The following LRP1B variants were observed in gnomAD, a reference collection of about 807,000 sequenced individuals.
LRP1B encodes LDL receptor related protein 1B, also known as low-density lipoprotein receptor-related protein 1B.
A neutral mutation model predicts 556.6 loss-of-function variants in LRP1B; 217 were observed. The observed-to-expected ratio is 0.39, with a 90% confidence interval of 0.35 to 0.44. The LOEUF (loss-of-function observed/expected upper bound fraction) is 0.44. LRP1B is among the 20% of genes least tolerant of loss of function. The pLI is 1.00. For missense variants in LRP1B, 5,053 were observed against 5,620.8 expected, an observed-to-expected ratio of 0.90 and a Z score of 3.23; for synonymous variants, 2,047 against 1,865.8, an observed-to-expected ratio of 1.10 and a Z score of -2.50.
Position 140,851,750 on chromosome 2 carries a change from C to A in LRP1B, c.4613G>T (p.Gly1538Val), listed in dbSNP as rs2105121973. The change falls in exon 28 of 91, where the codon GGC (glycine) becomes GTC (valine). Residue 1538 changes from glycine to valine, a missense_variant. Physicochemically the swap from Gly to Val is moderately radical, Grantham distance 109. Around this residue, in one of 5 missense-constraint regions of LRP1B, gnomAD observed 3,619 missense variants for 3,931.9 expected, o/e 0.92. Coordinates refer to ENST00000389484, the MANE Select transcript of LRP1B (RefSeq NM_018557.3). ...GATTAGACACATGTGAGAGCAGGGGCCTTTGCCATCATTAGCTGCACAAGG... is the reference window on the plus strand; with the variant it reads ...GATTAGACACATGTGAGAGCAGGGGACTTTGCCATCATTAGCTGCACAAGG... ...PNPCAANDGKGPCSHMCLINH... is the reference protein window; with the variant it reads ...PNPCAANDGKVPCSHMCLINH... 6.2e-7 allele frequency: 1 copy of A among 1,606,154 alleles called. No homozygotes were observed. The highest frequency in any genetic ancestry group is 8.5e-7 in the Non-Finnish European group (1 of 1,177,526).
chr2:140,609,877 C>G (rs1480515425), intron 41 of LRP1B, among the ~76,000 whole-genome samples: 2 of 152,114 alleles, frequency 1.3e-5, no homozygotes, highest in Non-Finnish European at 2.9e-5. Flanking sequence ...TGTATCATAT[C>G]TTTGTCCTGC....
chr2:140,324,170 A>C (rs564799998), intron 80 of LRP1B, 104 bp from the exon 81 acceptor site: 1 of 621,748 alleles, frequency 1.6e-6, no homozygotes, highest in African/African-American at 1.8e-5. Context: ...ACTGTTTAAA[A>C]ATAAACTTTC....
intron 1 of LRP1B, among the ~76,000 whole-genome samples, chr2:141,975,864 G>A (rs1257366126): frequency 6.6e-6 from 1 of 151,972 alleles, no homozygotes; most frequent in Admixed American, 6.6e-5. Flanking sequence ...TGTTTTTGAA[G>A]GATTTTTATT....
intron 86 of LRP1B, among the ~76,000 whole-genome samples, chr2:140,260,007 C>T (rs1681862352): frequency 6.6e-6 from 1 of 151,862 alleles, no homozygotes; most frequent in African/African-American, 2.4e-5. Context: ...AACAGATGCC[C>T]ATATAAATCT....
intron 57 of LRP1B, among the ~76,000 whole-genome samples, chr2:140,492,324 A>G (rs1242335763): frequency 1.3e-5 from 2 of 152,186 alleles, no homozygotes; most frequent in Non-Finnish European, 2.9e-5. Context: ...GTCTTCGTTT[A>G]TACTTAAAAC....
chr2:141,441,220 G>A (rs933710896), intron 3 of LRP1B, among the ~76,000 whole-genome samples: 13 of 152,076 alleles, frequency 8.5e-5, no homozygotes, highest in Admixed American at 2.6e-4. Flanking sequence ...GGGATTACAG[G>A]TGCCTGCCAC....
chr2:140,277,686 A>T (rs116234052), intron 84 of LRP1B, among the ~76,000 whole-genome samples: 3,473 of 152,082 alleles, frequency 0.023, 44 homozygotes, highest in Non-Finnish European at 0.023. Context: ...AATCAAGGAG[A>T]TGAAAATTAA....
At chr2:141,800,473 C>T (rs1489696468) in intron 2 of LRP1B, among the ~76,000 whole-genome samples, 1 of 152,196 alleles carries the variant, frequency 6.6e-6, no homozygotes, top group Non-Finnish European at 1.5e-5. Flanking sequence ...ATTGCCTCCT[C>T]TTCAAGATAA....
chr2:140,538,913 T>G (rs994847459), intron 45 of LRP1B, among the ~76,000 whole-genome samples: 5 of 152,140 alleles, frequency 3.3e-5, no homozygotes, highest in Non-Finnish European at 7.4e-5. Flanking sequence ...GATAAATATG[T>G]TTTTTACATT....
chr2:141,960,626 C>A (rs1235820538), intron 1 of LRP1B, among the ~76,000 whole-genome samples: 1 of 151,774 alleles, frequency 6.6e-6, no homozygotes, highest in Non-Finnish European at 1.5e-5. Flanking sequence ...TTTTAAGAAA[C>A]CAGAAATGTT....
chr2:141,441,025 A>G (rs948656452), intron 3 of LRP1B, among the ~76,000 whole-genome samples: 3 of 151,600 alleles, frequency 2.0e-5, no homozygotes, highest in Non-Finnish European at 4.4e-5. Context: ...CTAGCTCAAA[A>G]TGTCAATAGT....
chr2:141,517,259 T>TACACACACACACACACACACACACACAC lies in LRP1B; in HGVS notation c.206-36727_206-36726insGTGTGTGTGTGTGTGTGTGTGTGTGTGT, dbSNP rs71281835. Among the ~76,000 whole-genome samples, 478 of 141,462 alleles carry TACACACACACACACACACACACACACAC rather than the reference T, an allele frequency of 3.4e-3. 1 individual carries two copies. The highest frequency in any genetic ancestry group is 5.7e-3 in the Non-Finnish European group (368 of 64,950). The allele number at this position is 141,462 out of a possible 152,430, so 92.8% of individuals were successfully genotyped here. On this transcript the variant is annotated intron_variant, in intron 2 of 90. Coordinates refer to ENST00000389484, the MANE Select transcript of LRP1B (RefSeq NM_018557.3). ...TGACCATGTCTTAGAAGGACAAGAA[T>TACACACACACACACACACACACACACAC]ACGCACACACACAGACACACACACA...
intron 1 of LRP1B, among the ~76,000 whole-genome samples, chr2:141,891,777 C>T (rs1286355587): frequency 2.6e-5 from 4 of 152,064 alleles, no homozygotes; most frequent in Non-Finnish European, 5.9e-5. Context: ...GCTATTCCTT[C>T]ATATTAATAA....
chr2:140,849,728 A>T (rs1348583187), intron 29 of LRP1B, among the ~76,000 whole-genome samples: 1 of 152,030 alleles, frequency 6.6e-6, no homozygotes, highest in Non-Finnish European at 1.5e-5. Context: ...TAGTAGAGAC[A>T]GGGTTTCACC....
At chr2:140,757,707 C>T (rs13006313) in intron 35 of LRP1B, among the ~76,000 whole-genome samples, 44,048 of 151,966 alleles carry the variant, frequency 0.29, 6,576 homozygotes, top group South Asian at 0.39. Flanking sequence ...ATGGCAAAAC[C>T]GCATCTCTGC....
intron 1 of LRP1B, among the ~76,000 whole-genome samples, chr2:142,021,652 T>C (rs189646906): frequency 1.3e-4 from 20 of 152,220 alleles, no homozygotes; most frequent in African/African-American, 4.6e-4. Context: ...TAACTTCCCA[T>C]AGAAAACCTC....
At chr2:140,756,992 A>G in intron 35 of LRP1B, among the ~76,000 whole-genome samples, 1 of 152,206 alleles carries the variant, frequency 6.6e-6, no homozygotes, top group Non-Finnish European at 1.5e-5. Context: ...CAGTAATAAA[A>G]TGGGCAAAAG....
At chr2:140,732,392 C>T (rs1004283923) in intron 35 of LRP1B, among the ~76,000 whole-genome samples, 1 of 152,018 alleles carries the variant, frequency 6.6e-6, no homozygotes, top group Non-Finnish European at 1.5e-5. Context: ...GAAAAAACTC[C>T]AATTTCACCA....
chr2:140,645,626 G>A (rs1217848614), intron 41 of LRP1B, among the ~76,000 whole-genome samples: 2 of 130,768 alleles, frequency 1.5e-5, no homozygotes, highest in South Asian at 5.3e-4. Context: ...TGCAAGCTCC[G>A]CCTCCCGGGT....
Sources: gnomAD v4.1 joint callset for allele counts (sites outside exome capture counted in the v4.1 genomes callset) on GRCh38, gnomAD v4.1.1 for gene constraint, gnomAD v4.1.1 regional missense constraint, MANE v1.5 for transcripts, NCBI Gene and HGNC (gene_info 2026-07-23, HGNC 2026-07-21) for gene names.